Variants in BBOF1 observed in about 807,000 individuals in gnomAD.
BBOF1 encodes basal body-orientation factor 1.
Under a neutral mutation model 68.0 loss-of-function variants are expected in BBOF1, and 62 were observed. That is an observed-to-expected ratio of 0.91 (90% CI 0.74 to 1.13). The LOEUF is 1.13. Ranked by LOEUF, BBOF1 falls within the 50% of genes most tolerant of loss-of-function variation. BBOF1 has a pLI of 0.00. For synonymous variants in BBOF1, 208 were observed against 198.8 expected, an observed-to-expected ratio of 1.05 and a Z score of -0.39; for missense variants, 534 against 600.1, an observed-to-expected ratio of 0.89 and a Z score of 1.15.
At position 74,023,026 on chromosome 14, in the gene BBOF1, C is replaced by G; in HGVS notation, c.167C>G (p.Thr56Ser). 6.2e-7 allele frequency: 1 copy of G among 1,610,660 alleles called. No homozygotes were observed. Among genetic ancestry groups the G allele is most frequent in the Non-Finnish European group, 8.5e-7 (1 of 1,177,882 alleles). The change falls in exon 2 of 12, where the codon ACT becomes AGT. Residue 56 changes from threonine to serine, a missense_variant. Coordinates refer to ENST00000394009, the MANE Select transcript of BBOF1 (RefSeq NM_025057.3). ...TELSRIKYRDTSRILAKSNED... is the reference protein window; with the variant it reads ...TELSRIKYRDSSRILAKSNED... The stretch of plus-strand genomic sequence containing the variant: ...CTCTCTAGGATTAAGTATCGTGATA[C>G]TTCACGGATACTGGCAAAAAGTAAT...
intron 8 of BBOF1, among the ~76,000 whole-genome samples, chr14:74,054,497 G>A (rs1014733561): frequency 1.3e-5 from 2 of 151,582 alleles, no homozygotes; most frequent in Non-Finnish European, 2.9e-5. Flanking sequence ...TCCTGCCTCA[G>A]CCTCCTGAGT....
At chr14:74,071,535 G>C (rs1026115937) in intron 9 of BBOF1, 3 of 1,612,628 alleles carry the variant, frequency 1.9e-6, no homozygotes, top group African/African-American at 2.7e-5. Flanking sequence ...TCTCCACACT[G>C]TGTACTAGTT....
chr14:74,071,925 T>C, intron 9 of BBOF1: 3 of 1,614,246 alleles, frequency 1.9e-6, no homozygotes, highest in Non-Finnish European at 2.5e-6. Context: ...TCCTTCAGCA[T>C]CAGCTAGGGT....
intron 11 of BBOF1, chr14:74,058,347 C>CA (rs1252148659): frequency 2.9e-5 from 4 of 137,538 alleles, no homozygotes; most frequent in African/African-American, 6.2e-5. Flanking sequence ...AAAACAACAA[C>CA]AAAAAAAATC....
chr14:74,073,227 C>T (rs1309505690), intron 9 of BBOF1, among the ~76,000 whole-genome samples: 2 of 152,132 alleles, frequency 1.3e-5, no homozygotes, highest in Non-Finnish European at 2.9e-5. Context: ...CCTCAGCCTC[C>T]TGAGCAGCTG....
At position 74,040,801 on chromosome 14, in the gene BBOF1, CCTT is replaced by C. The variant is rs551204392; in HGVS notation, c.576+159_576+161del. 50 of 553,000 alleles carry C rather than the reference CCTT, an allele frequency of 9.0e-5. No homozygotes were observed. In the South Asian group the frequency reaches 1.3e-3, roughly 14 times the overall value. 34.3% of individuals were successfully genotyped at this position (553,000 alleles called of 1,614,324 possible). ...CACAATACAATGAGGGAAAATAAAA[CCTT>C]CTAGAAATCTCAATATCTAGTCCTT... On this transcript the variant is annotated intron_variant, in intron 5 of 11. Transcript: ENST00000394009.
intron 4 of BBOF1, among the ~76,000 whole-genome samples, chr14:74,035,807 G>A (rs1249880454): frequency 6.6e-6 from 1 of 151,794 alleles, no homozygotes; most frequent in Non-Finnish European, 1.5e-5. Context: ...TGAGTAATCT[G>A]AGCGGGATGT....
At position 74,071,987 on chromosome 14, in the gene BBOF1, C is replaced by T. The variant is rs45510700; in HGVS notation, n.1380-6209C>T. The T allele has an allele frequency of 3.1e-3, 5,024 of 1,612,014 alleles. 126 individuals are homozygous for T. The African/African-American group carries it at 0.056, about 18-fold the overall frequency. The stretch of plus-strand genomic sequence containing the variant: ...TGGCAATTTCTTTCTAGAGAGAAGA[C>T]ACACAAATAGAAATTAATGCAAGAA... On this transcript the variant is annotated intron_variant and non_coding_transcript_variant, in intron 9 of 12. Coordinates refer to the BBOF1 transcript ENST00000492026.
At chr14:74,073,427 C>T (rs2060576354) in intron 9 of BBOF1, among the ~76,000 whole-genome samples, 1 of 152,052 alleles carries the variant, frequency 6.6e-6, no homozygotes, top group Non-Finnish European at 1.5e-5. Flanking sequence ...TAAGATGTGG[C>T]ACAGCCTCTC....
At chr14:74,019,640 C>T (rs1329741622) in intron 1 of BBOF1, 106 bp downstream of exon 1, 1 of 1,508,064 alleles carries the variant, frequency 6.6e-7, no homozygotes, top group Non-Finnish European at 8.9e-7. Context: ...CGGACCCTCT[C>T]CCCGGCTCTC....
rs61752569 is a variant in BBOF1, at chr14:74,023,063, G to T, written c.204G>T (p.Lys68Asn). ...RILAKSNEDL[K>N]KKQCKMEKDI... Reference sequence around the variant, plus strand: ...TGGCAAAAAGTAATGAGGACTTAAAGAAAAAGCAATGTAAAATGGAGAAAG... The same window carrying T: ...TGGCAAAAAGTAATGAGGACTTAAATAAAAAGCAATGTAAAATGGAGAAAG... The change falls in exon 2 of 12, where the codon AAG becomes AAT. Residue 68 changes from lysine to asparagine, a missense_variant. By Grantham distance (94) the Lys-to-Asn change is moderately conservative. Transcript: ENST00000394009. The T allele has an allele frequency of 8.2e-4, 1,318 of 1,607,558 alleles. 5 individuals are homozygous for T. Among genetic ancestry groups the T allele is most frequent in the Non-Finnish European group, 1.1e-3 (1,293 of 1,176,796 alleles).
At chr14:74,072,756 T>A in intron 9 of BBOF1, 1 of 925,410 alleles carries the variant, frequency 1.1e-6, no homozygotes, top group Non-Finnish European at 1.7e-6. Flanking sequence ...ATGTTACCAC[T>A]AGGAAAGAGA....
chr14:74,051,698 T>C (rs2060071255), intron 8 of BBOF1, among the ~76,000 whole-genome samples: 1 of 151,754 alleles, frequency 6.6e-6, no homozygotes, highest in Non-Finnish European at 1.5e-5. Context: ...GATTAAATTA[T>C]AGTCCATTTT....
At chr14:74,074,681 A>C (rs1026897879) in intron 9 of BBOF1, among the ~76,000 whole-genome samples, 1 of 152,196 alleles carries the variant, frequency 6.6e-6, no homozygotes, top group Admixed American at 6.6e-5. Flanking sequence ...AGATGCTGGA[A>C]GTGGTTGACA....
Position 74,065,014 on chromosome 14 carries a change from CT to C in BBOF1, c.*317del, listed in dbSNP as rs1364568627. 2.0e-5 allele frequency: 27 copies of C among 1,378,936 alleles called. No individual in the cohort carries two copies. The highest frequency in any genetic ancestry group is 2.7e-5 in the Non-Finnish European group (27 of 983,112). 85.4% of individuals were successfully genotyped at this position (1,378,936 alleles called of 1,614,324 possible). A position where few individuals can be genotyped will look rare whatever the true frequency, so the allele number is the denominator to read the frequency against. On this transcript the variant is annotated 3_prime_UTR_variant, in exon 12 of 12. Coordinates refer to ENST00000394009, the MANE Select transcript of BBOF1 (RefSeq NM_025057.3). ...TCAGAGACCAGTTTTAAATACCCAC[CT>C]TCTACCCTATCCTCTACCCCATGAA...
Position 74,075,035 on chromosome 14 carries a change from G to A in BBOF1, n.1380-3161G>A, listed in dbSNP as rs112030384. On this transcript the variant is annotated intron_variant and non_coding_transcript_variant, in intron 9 of 12. Transcript: ENST00000492026. ...GAAGAAACCTGTGAGGCAAAAGAAC[G>A]ATTATTTTGATAAATGAGAGCAGAA... 5.5e-5 allele frequency: 88 copies of A among 1,611,190 alleles called. 2 individuals carry two copies. The highest frequency in any genetic ancestry group is 4.0e-4 in the African/African-American group (30 of 74,908).
intron 11 of BBOF1, chr14:74,059,083 TC>T (rs1191061610): frequency 0.022 from 1,779 of 79,750 alleles, 36 homozygotes; most frequent in African/African-American, 0.13. Flanking sequence ...AAACTCCATC[TC>T]AAAAAAAAAA....
chr14:74,081,380 T>G (rs1246541765), intron 12 of BBOF1: 2 of 152,216 alleles, frequency 1.3e-5, no homozygotes, highest in African/African-American at 4.8e-5. Context: ...AATGCACTGA[T>G]CAGCCAACTT....
At chr14:74,052,503 G>A (rs1447616656) in intron 8 of BBOF1, among the ~76,000 whole-genome samples, 1 of 151,900 alleles carries the variant, frequency 6.6e-6, no homozygotes, top group African/African-American at 2.4e-5. Flanking sequence ...AAATTAGCCA[G>A]GCATGATGGC....
Sources: gnomAD v4.1 joint callset for allele counts (sites outside exome capture counted in the v4.1 genomes callset) on GRCh38, gnomAD v4.1.1 for gene constraint, MANE v1.5 for transcripts, NCBI Gene and HGNC (gene_info 2026-07-23, HGNC 2026-07-21) for gene names.